Variants in MAPT observed in about 807,000 individuals in gnomAD.
MAPT encodes the protein microtubule-associated protein tau.
In MAPT, 34 loss-of-function variants were observed where a neutral mutation model predicts 67.9. The ratio of observed to expected loss-of-function variants is 0.50; its 90% CI spans 0.38 to 0.67. The LOEUF is 0.67. MAPT is among the 30% of genes least tolerant of loss of function. The pLI is 0.00. For synonymous variants in MAPT, 456 were observed against 464.5 expected (o/e 0.98, Z 0.23); for missense variants, 881 against 1,115.2 (o/e 0.79, Z 2.99).
intron 9 of MAPT, among the ~76,000 whole-genome samples, chr17:45,997,857 C>T (rs1352298202): frequency 1.3e-5 from 2 of 152,070 alleles, no homozygotes; most frequent in East Asian, 3.9e-4. Flanking sequence ...GGCCCTGTCT[C>T]CAAATAGAGT....
intron 1 of MAPT, among the ~76,000 whole-genome samples, chr17:45,939,394 T>G (rs986740277): frequency 6.6e-6 from 1 of 152,248 alleles, no homozygotes; most frequent in African/African-American, 2.4e-5. Flanking sequence ...TCTTATCAGA[T>G]TTTCCTAATC....
chr17:45,943,750 G>A (rs922830257), intron 1 of MAPT, among the ~76,000 whole-genome samples: 2 of 152,146 alleles, frequency 1.3e-5, no homozygotes, highest in African/African-American at 2.4e-5. Flanking sequence ...CCCCCAGATC[G>A]CCTTCCTTGT....
intron 3 of MAPT, chr17:45,974,816 C>A: frequency 2.9e-6 from 1 of 347,638 alleles, no homozygotes; most frequent in Non-Finnish European, 5.6e-6. Context: ...GGTCAGTCCA[C>A]CCTCCTGCTC....
chr17:46,013,730 C>T (rs1411936290), intron 10 of MAPT, among the ~76,000 whole-genome samples: 6 of 152,174 alleles, frequency 3.9e-5, no homozygotes, highest in Non-Finnish European at 5.9e-5. Context: ...GCCCACGCAT[C>T]GACCCTCACA....
intron 1 of MAPT, among the ~76,000 whole-genome samples, chr17:45,947,639 C>CG (rs1176251419): frequency 6.6e-6 from 1 of 151,886 alleles, no homozygotes; most frequent in African/African-American, 2.4e-5. Flanking sequence ...TCACCCACCT[C>CG]GGCCTCCCAG....
chr17:45,940,284 C>G (rs1289714478), intron 1 of MAPT, among the ~76,000 whole-genome samples: 1 of 152,196 alleles, frequency 6.6e-6, no homozygotes, highest in Non-Finnish European at 1.5e-5. Flanking sequence ...CTAGCTTTGT[C>G]TACAGCCATT....
At chr17:45,899,086 C>T (rs2063459687) in intron 1 of MAPT, among the ~76,000 whole-genome samples, 1 of 152,202 alleles carries the variant, frequency 6.6e-6, no homozygotes, top group Non-Finnish European at 1.5e-5. Context: ...CCAGCCTCAC[C>T]AGCTGGGCTG....
chr17:45,962,499 C>T (rs751704451), intron 2 of MAPT, 29 bp downstream of exon 2: 1 of 1,611,370 alleles, frequency 6.2e-7, no homozygotes, highest in Non-Finnish European at 8.5e-7. Flanking sequence ...ACAGCAGGCC[C>T]AGATCACTGC....
At chr17:45,919,657 C>T (rs534952905) in intron 1 of MAPT, among the ~76,000 whole-genome samples, 3 of 152,236 alleles carry the variant, frequency 2.0e-5, no homozygotes, top group East Asian at 1.9e-4. Flanking sequence ...CCTGTAATCC[C>T]GGCACTTTGG....
chr17:45,964,041 C>T (rs528961325), intron 2 of MAPT, among the ~76,000 whole-genome samples: 55 of 152,100 alleles, frequency 3.6e-4, no homozygotes, highest in African/African-American at 1.3e-3. Flanking sequence ...GAATGCAGCT[C>T]GGCCCAGCCT....
intron 6 of MAPT, among the ~76,000 whole-genome samples, chr17:45,989,630 G>A (rs1040807220): frequency 3.3e-5 from 5 of 152,166 alleles, no homozygotes; most frequent in Admixed American, 6.5e-5. Context: ...CAGCCTGGGC[G>A]ACAGAGCGAG....
rs754512 is a variant in MAPT, at chr17:45,978,281, A to T, written c.221-94A>T. ...TGGGATGTGACTTTCCTGAATGTTT[A>T]AGGGAAAATGCCCGAAGGTACAGAG... On this transcript the variant is annotated intron_variant, in intron 3 of 12. Coordinates refer to ENST00000262410, the MANE Select transcript of MAPT (RefSeq NM_001377265.1). The T allele has an allele frequency of 0.17, 167,081 of 978,874 alleles. 17,376 individuals are homozygous for T. Among genetic ancestry groups the T allele is most frequent in the Non-Finnish European group, 0.22 (130,394 of 601,214 alleles). The allele number at this position is 978,874 out of a possible 1,614,324, so 60.6% of individuals were successfully genotyped here. A position where few individuals can be genotyped will look rare whatever the true frequency, so the allele number is the denominator to read the frequency against.
At chr17:45,951,411 CG>C (rs2069063632) in intron 1 of MAPT, among the ~76,000 whole-genome samples, 1 of 152,168 alleles carries the variant, frequency 6.6e-6, no homozygotes, top group Admixed American at 6.5e-5. Context: ...CTATGGGTAG[CG>C]GCAGCAGTGA....
chr17:46,002,259 G>A (rs1007244834), intron 9 of MAPT, among the ~76,000 whole-genome samples: 1 of 152,180 alleles, frequency 6.6e-6, no homozygotes, highest in African/African-American at 2.4e-5. Flanking sequence ...TGCTGAAGCA[G>A]GCAGGCTGTC....
intron 11 of MAPT, among the ~76,000 whole-genome samples, chr17:46,017,969 C>A (rs111976319): frequency 0.14 from 21,889 of 151,112 alleles, 2,129 homozygotes; most frequent in Non-Finnish European, 0.22. Context: ...CACAGTGAAA[C>A]CCCATCTCTA....
At chr17:45,993,307 A>G (rs1288411252) in intron 8 of MAPT, among the ~76,000 whole-genome samples, 2 of 151,890 alleles carry the variant, frequency 1.3e-5, no homozygotes, top group East Asian at 1.9e-4. Context: ...TCTCATATAC[A>G]TGTGATCCAG....
chr17:45,983,891 C>A lies in MAPT; in HGVS notation c.1312C>A (p.Pro438Thr), dbSNP rs751739883. ...EPSEKQPAAA[P>T]RGKPVSRVPQ... ...CTCTGAAAAGCAGCCTGCTGCTGCT[C>A]CGCGGGGGAAGCCCGTCAGCCGGGT... The change falls in exon 5 of 13, where the codon CCG (proline) becomes ACG (threonine). Residue 438 changes from proline to threonine, a missense_variant. By Grantham distance (38) the Pro-to-Thr change is conservative (BLOSUM62 -1). This residue lies in a region of MAPT where 687 missense variants were observed against 766.1 expected (regional missense o/e 0.90). Coordinates refer to ENST00000262410, the MANE Select transcript of MAPT (RefSeq NM_001377265.1). 1 of 1,587,832 alleles carries A rather than the reference C, an allele frequency of 6.3e-7. No homozygotes were observed. The highest frequency in any genetic ancestry group is 8.5e-7 in the Non-Finnish European group (1 of 1,169,992).
At chr17:45,925,401 A>G (rs1445649157) in intron 1 of MAPT, among the ~76,000 whole-genome samples, 1 of 152,210 alleles carries the variant, frequency 6.6e-6, no homozygotes, top group Admixed American at 6.5e-5. Flanking sequence ...CTCCCATACA[A>G]TGCTAGTCAG....
chr17:45,962,465 T>C lies in MAPT; in HGVS notation c.128T>C (p.Leu43Pro). The C allele has an allele frequency of 6.2e-7, 1 of 1,612,450 alleles. No homozygotes were observed. Among genetic ancestry groups the C allele is most frequent in the Non-Finnish European group, 8.5e-7 (1 of 1,179,822 alleles). ...QDQEGDTDAGLKESPLQTPTE... is the reference protein window; with the variant it reads ...QDQEGDTDAGPKESPLQTPTE... Reference sequence around the variant, plus strand: ...CAAGAGGGTGACACGGACGCTGGCCTGAAAGGTTAGTGGACAGCCATGCAC... The same window carrying C: ...CAAGAGGGTGACACGGACGCTGGCCCGAAAGGTTAGTGGACAGCCATGCAC... Residue 43 changes from leucine to proline, a missense_variant, in exon 2 of 13, where the codon CTG becomes CCG. Coordinates refer to ENST00000262410, the MANE Select transcript of MAPT (RefSeq NM_001377265.1).
Sources: gnomAD v4.1 joint callset for allele counts (sites outside exome capture counted in the v4.1 genomes callset) on GRCh38, gnomAD v4.1.1 for gene constraint, gnomAD v4.1.1 regional missense constraint, MANE v1.5 for transcripts, NCBI Gene and HGNC (gene_info 2026-07-23, HGNC 2026-07-21) for gene names.